The following PCID2 variants were observed in gnomAD, a reference collection of about 807,000 sequenced individuals.
The protein encoded by PCID2 is PCI domain containing 2.
PCID2 carries 41 observed loss-of-function variants against 61.3 expected under a neutral mutation model. The ratio of observed to expected loss-of-function variants is 0.67; its 90% CI spans 0.52 to 0.87. PCID2 has a LOEUF of 0.87. Among genes scored for constraint, PCID2 ranks in the 40% least tolerant of loss-of-function variants. The pLI, the probability that PCID2 is intolerant of heterozygous loss-of-function variation, is 0.00. For missense variants in PCID2, 392 were observed against 493.4 expected (o/e 0.79, Z 1.95); for synonymous variants, 187 against 177.8 (o/e 1.05, Z -0.41).
chr13:113,176,462 G>A, downstream of PCID2, among the ~76,000 whole-genome samples: 1 of 152,306 alleles, frequency 6.6e-6, no homozygotes, highest in Non-Finnish European at 1.5e-5. Flanking sequence ...CAGAACTGTG[G>A]CCTTATAAGA....
At chr13:113,191,155 T>A (rs759271428) in intron 6 of PCID2, among the ~76,000 whole-genome samples, 180 bp from the exon 7 acceptor site, 14 of 152,144 alleles carry the variant, frequency 9.2e-5, no homozygotes, top group Non-Finnish European at 1.6e-4. Flanking sequence ...CTACCATGCC[T>A]GGCTAGTTTT....
At chr13:113,204,478 T>C (rs2138966827) in intron 1 of PCID2, among the ~76,000 whole-genome samples, 1 of 152,192 alleles carries the variant, frequency 6.6e-6, no homozygotes, top group East Asian at 1.9e-4. Flanking sequence ...GGGCACTCAC[T>C]GGTAGCCCTC....
intron 1 of PCID2, among the ~76,000 whole-genome samples, chr13:113,203,282 T>C (rs1402552676): frequency 6.6e-6 from 1 of 152,224 alleles, no homozygotes; most frequent in Non-Finnish European, 1.5e-5. Context: ...GCAGCCCTCC[T>C]GCCCCAGTCC....
At chr13:113,165,237 T>A in the PCID2 span, 2 of 1,075,694 alleles carry the variant, frequency 1.9e-6, no homozygotes, top group Admixed American at 3.9e-5. Flanking sequence ...TTTGATGGGC[T>A]ACTGACTGCA....
chr13:113,199,062 T>C (rs150305508), intron 2 of PCID2, among the ~76,000 whole-genome samples: 89 of 152,344 alleles, frequency 5.8e-4, no homozygotes, highest in African/African-American at 2.1e-3. Flanking sequence ...TTAGATAATC[T>C]GAACATCTCA....
At chr13:113,184,675 A>AG (rs2037938818) in intron 8 of PCID2, among the ~76,000 whole-genome samples, 188 bp from the exon 9 acceptor site, 1 of 152,292 alleles carries the variant, frequency 6.6e-6, no homozygotes, top group African/African-American at 2.4e-5. Context: ...GGCTCTGCAA[A>AG]GCCGTTCCGG....
the PCID2 span, among the ~76,000 whole-genome samples, chr13:113,168,008 C>T: frequency 2.6e-5 from 4 of 152,124 alleles, no homozygotes; most frequent in African/African-American, 4.8e-5. Context: ...CCACTTTCGC[C>T]GACGCCACAT....
At position 113,186,431 on chromosome 13, in the gene PCID2, G is replaced by A. The variant is rs116882242; in HGVS notation, c.468-871C>T. ...ACAGTCACATGTTACACAACATTTCGGTCAACTACAGATGACCACATGTGA... is the reference window on the plus strand; with the variant it reads ...ACAGTCACATGTTACACAACATTTCAGTCAACTACAGATGACCACATGTGA... On this transcript the variant is annotated intron_variant, in intron 7 of 13. Coordinates refer to ENST00000337344, the MANE Select transcript of PCID2 (RefSeq NM_001127202.4). 2.0e-4 allele frequency: 31 copies of A among 151,808 alleles called. No individual in the cohort carries two copies. In the East Asian group the frequency reaches 5.5e-3, roughly 27 times the overall value. 9.4% of individuals were successfully genotyped at this position (151,808 alleles called of 1,614,324 possible). A position where few individuals can be genotyped will look rare whatever the true frequency, so the allele number is the denominator to read the frequency against.
chr13:113,187,657 A>AT (rs2038237177), intron 7 of PCID2: 2 of 152,020 alleles, frequency 1.3e-5, no homozygotes, highest in African/African-American at 4.8e-5. Context: ...TGTTTGGAAG[A>AT]TTTTTCAAAT....
At chr13:113,205,744 T>C (rs566158500) in intron 1 of PCID2, among the ~76,000 whole-genome samples, 1 of 152,188 alleles carries the variant, frequency 6.6e-6, no homozygotes, top group Non-Finnish European at 1.5e-5. Context: ...AGCCACATAC[T>C]GAAATCACCA....
downstream of PCID2, among the ~76,000 whole-genome samples, chr13:113,174,514 A>G (rs1448114933): frequency 6.6e-6 from 1 of 152,162 alleles, no homozygotes; most frequent in Non-Finnish European, 1.5e-5. Flanking sequence ...TTGTTTTTTG[A>G]GACAGGGTCT....
chr13:113,187,684 A>T (rs1461763177), intron 7 of PCID2: 2 of 152,214 alleles, frequency 1.3e-5, no homozygotes, highest in African/African-American at 4.8e-5. Flanking sequence ...AACATTTTAA[A>T]GAATTTGAAT....
the PCID2 span, among the ~76,000 whole-genome samples, chr13:113,165,751 G>C: frequency 9.9e-5 from 15 of 152,178 alleles, no homozygotes; most frequent in Non-Finnish European, 1.9e-4. Flanking sequence ...GGATGGTCTC[G>C]AATGCCTGAC....
chr13:113,193,661 C>T (rs983484264), intron 6 of PCID2, among the ~76,000 whole-genome samples: 4 of 152,118 alleles, frequency 2.6e-5, no homozygotes, highest in Non-Finnish European at 5.9e-5. Context: ...ATTTCTAATA[C>T]AGTAAATATA....
intron 9 of PCID2, chr13:113,183,895 G>A (rs1237864992): frequency 1.0e-6 from 1 of 985,464 alleles, no homozygotes; most frequent in Non-Finnish European, 1.2e-6. Flanking sequence ...GTTTAAACGA[G>A]AGCTTTGACA....
chr13:113,208,440 C>A, intron 1 of PCID2, 159 bp downstream of exon 1: 2 of 1,508,570 alleles, frequency 1.3e-6, no homozygotes, highest in Non-Finnish European at 1.8e-6. Context: ...GAGTCCCGGC[C>A]GCCGCTGTTC....
At chr13:113,195,315 C>T (rs1469148731) in intron 5 of PCID2, among the ~76,000 whole-genome samples, 190 bp from the exon 6 acceptor site, 2 of 152,210 alleles carry the variant, frequency 1.3e-5, no homozygotes, top group Non-Finnish European at 2.9e-5. Flanking sequence ...TCCTGATCAT[C>T]CTGGGGCCCC....
intron 1 of PCID2, chr13:113,208,373 C>T: frequency 7.0e-7 from 1 of 1,434,252 alleles, no homozygotes; most frequent in South Asian, 1.5e-5. Context: ...CCGCGATCCA[C>T]GGACACCGCC....
intron 13 of PCID2, 166 bp from the exon 14 acceptor site, chr13:113,178,453 T>A: frequency 1.9e-6 from 1 of 539,032 alleles, no homozygotes; most frequent in Non-Finnish European, 3.4e-6. Flanking sequence ...ACCCTCTATA[T>A]CCACGGTGGG....
Sources: gnomAD v4.1 joint callset for allele counts (sites outside exome capture counted in the v4.1 genomes callset) on GRCh38, gnomAD v4.1.1 for gene constraint, MANE v1.5 for transcripts, NCBI Gene and HGNC (gene_info 2026-07-23, HGNC 2026-07-21) for gene names.